RPN1: variants seen among roughly 807,000 people sequenced by gnomAD.
The protein encoded by RPN1 is dolichyl-diphosphooligosaccharide--protein glycosyltransferase subunit 1.
A neutral mutation model predicts 55.5 loss-of-function variants in RPN1; 12 were observed. The ratio of observed to expected loss-of-function variants is 0.22; its 90% CI spans 0.14 to 0.35. RPN1 has a LOEUF of 0.35. Ranked by LOEUF, RPN1 falls within the 10% of genes least tolerant of loss-of-function variation. RPN1 has a pLI of 1.00. For missense variants in RPN1, 679 were observed against 761.3 expected (o/e 0.89, Z 1.27); for synonymous variants, 317 against 305.9 (o/e 1.04, Z -0.38).
chr3:128,626,716 G>A lies in RPN1; in HGVS notation c.1136+17C>T. Reference sequence around the variant, plus strand: ...CCAGAGAAATCGGGTGCAAAGGAGAGGAACAGTCACACTCACTTGGCTCCT... The same window carrying A: ...CCAGAGAAATCGGGTGCAAAGGAGAAGAACAGTCACACTCACTTGGCTCCT... On this transcript the variant is annotated intron_variant, in intron 6 of 9. Coordinates refer to ENST00000296255, the MANE Select transcript of RPN1 (RefSeq NM_002950.4). 4 of 1,610,156 alleles carry A rather than the reference G, an allele frequency of 2.5e-6. No homozygotes were observed. The highest frequency in any genetic ancestry group is 3.4e-6 in the Non-Finnish European group (4 of 1,176,452).
At chr3:128,638,270 G>A (rs1295764120) in intron 2 of RPN1, among the ~76,000 whole-genome samples, 165 bp from the exon 3 acceptor site, 2 of 152,166 alleles carry the variant, frequency 1.3e-5, no homozygotes, top group Non-Finnish European at 2.9e-5. Flanking sequence ...CACTCAGGCT[G>A]GAGTGCAATG....
intron 1 of RPN1, among the ~76,000 whole-genome samples, chr3:128,645,481 A>AG (rs2069759992): frequency 6.6e-6 from 1 of 151,792 alleles, no homozygotes; most frequent in Non-Finnish European, 1.5e-5. Context: ...AAAAAAAAAA[A>AG]GTGGCATAAA....
At position 128,638,107 on chromosome 3, in the gene RPN1, T is replaced by A; in HGVS notation, c.327-2A>T. 1 of 1,609,378 alleles carries A rather than the reference T, an allele frequency of 6.2e-7. No individual in the cohort carries two copies. The highest frequency in any genetic ancestry group is 8.5e-7 in the Non-Finnish European group (1 of 1,176,022). Reference sequence around the variant, plus strand: ...AGCTTGACTGTGAAGAATCTCCCACTAAAGGAAGAACAAGGCAAGAGAAGT... The same window carrying A: ...AGCTTGACTGTGAAGAATCTCCCACAAAAGGAAGAACAAGGCAAGAGAAGT... On this transcript the variant is annotated splice_acceptor_variant, in intron 2 of 9. Coordinates refer to ENST00000296255, the MANE Select transcript of RPN1 (RefSeq NM_002950.4). LOFTEE classifies it high-confidence loss of function.
chr3:128,634,585 CAA>C (rs765858286), intron 3 of RPN1, among the ~76,000 whole-genome samples: 40 of 132,792 alleles, frequency 3.0e-4, no homozygotes, highest in Admixed American at 4.9e-4. Context: ...TTTTTTGAGA[CAA>C]ACTCTCACCC....
chr3:128,630,211 A>T lies in RPN1; in HGVS notation c.844-68T>A, dbSNP rs1281159319. ...GCTGAGAGGAAATGATCCTAAACAC[A>T]GAAGACTTCCTGCACCAAGATCCTC... On this transcript the variant is annotated intron_variant, in intron 4 of 9. Coordinates refer to ENST00000296255, the MANE Select transcript of RPN1 (RefSeq NM_002950.4). 3.8e-6 allele frequency: 4 copies of T among 1,058,614 alleles called. No individual in the cohort carries two copies. In the African/African-American group the frequency reaches 4.8e-5, roughly 13 times the overall value. The allele number at this position is 1,058,614 out of a possible 1,614,324, so 65.6% of individuals were successfully genotyped here.
At position 128,637,833 on chromosome 3, in the gene RPN1, T is replaced by C; in HGVS notation, c.599A>G (p.Tyr200Cys). 1 of 1,613,420 alleles carries C rather than the reference T, an allele frequency of 6.2e-7. No individual in the cohort carries two copies. The highest frequency in any genetic ancestry group is 1.1e-5 in the South Asian group (1 of 91,050). The change falls in exon 3 of 10, where the codon TAT (tyrosine) becomes TGT (cysteine). Residue 200 changes from tyrosine to cysteine, a missense_variant. Tyr to Cys is a radical substitution (Grantham distance 194, BLOSUM62 -2). Coordinates refer to ENST00000296255, the MANE Select transcript of RPN1 (RefSeq NM_002950.4). ...NPTRSEDLLD[Y>C]GPFRDVPAYS... ...GGCAGGCACATCTCTGAAAGGCCCA[T>C]AATCCAGTAGGTCCTCAGAGCGCGT...
intron 8 of RPN1, 134 bp downstream of exon 8, chr3:128,625,400 G>A (rs933660122): frequency 2.3e-5 from 31 of 1,374,980 alleles, no homozygotes; most frequent in Middle Eastern, 2.3e-4. Context: ...GTACCCTTCC[G>A]GCAAGGATGA....
chr3:128,650,336 G>A (rs1335749014), intron 1 of RPN1, among the ~76,000 whole-genome samples: 1 of 152,130 alleles, frequency 6.6e-6, no homozygotes, highest in Non-Finnish European at 1.5e-5. Flanking sequence ...GCGCGCACCG[G>A]GGGCAGCGGA....
chr3:128,629,233 T>C (rs961178719), intron 5 of RPN1, among the ~76,000 whole-genome samples: 32 of 152,128 alleles, frequency 2.1e-4, no homozygotes, highest in African/African-American at 7.5e-4. Context: ...TTTTGTATGG[T>C]TTTCTGTATC....
At chr3:128,634,625 C>A (rs1045000763) in intron 3 of RPN1, among the ~76,000 whole-genome samples, 3 of 150,082 alleles carry the variant, frequency 2.0e-5, no homozygotes, top group Admixed American at 6.7e-5. Flanking sequence ...TGCAATGACG[C>A]GATCTTGGCT....
At chr3:128,643,241 C>G (rs1485527375) in intron 2 of RPN1, among the ~76,000 whole-genome samples, 1 of 150,996 alleles carries the variant, frequency 6.6e-6, no homozygotes, top group Admixed American at 6.6e-5. Flanking sequence ...GCAGGAGAAT[C>G]GCTTGAACCT....
At chr3:128,642,105 AAC>A (rs1480554224) in intron 2 of RPN1, among the ~76,000 whole-genome samples, 1 of 152,178 alleles carries the variant, frequency 6.6e-6, no homozygotes, top group Non-Finnish European at 1.5e-5. Context: ...AGAGCCAATA[AAC>A]ACAGACAGGG....
At chr3:128,644,713 C>T (rs2069753731) in intron 2 of RPN1, 2 of 653,562 alleles carry the variant, frequency 3.1e-6, no homozygotes, top group Non-Finnish European at 5.6e-6. Flanking sequence ...AATCCCAGCA[C>T]TTTGAGAGGC....
At chr3:128,628,656 T>A (rs2069619271) in intron 5 of RPN1, among the ~76,000 whole-genome samples, 1 of 151,954 alleles carries the variant, frequency 6.6e-6, no homozygotes, top group Non-Finnish European at 1.5e-5. Context: ...GTGCAAGCAA[T>A]CCTCCCACCT....
intron 2 of RPN1, chr3:128,644,708 C>A (rs988835965): frequency 1.5e-6 from 1 of 653,242 alleles, no homozygotes; most frequent in Non-Finnish European, 2.8e-6. Context: ...CCTGTAATCC[C>A]AGCACTTTGA....
At chr3:128,643,424 A>C (rs897944946) in intron 2 of RPN1, among the ~76,000 whole-genome samples, 2 of 151,618 alleles carry the variant, frequency 1.3e-5, no homozygotes, top group African/African-American at 4.8e-5. Flanking sequence ...CGCACTTTGG[A>C]AGGCTGAGGC....
rs532350015 is a variant in RPN1, at chr3:128,644,717, G to A, written c.326+202C>T. Reference sequence around the variant, plus strand: ...TTCACACCTGTAATCCCAGCACTTTGAGAGGCCAAGGTAGAAGGATGGCTT... The same window carrying A: ...TTCACACCTGTAATCCCAGCACTTTAAGAGGCCAAGGTAGAAGGATGGCTT... On this transcript the variant is annotated intron_variant, in intron 2 of 9. Transcript: ENST00000296255. 7 of 653,254 alleles carry A rather than the reference G, an allele frequency of 1.1e-5. No individual in the cohort carries two copies. The South Asian group carries it at 1.2e-4, about 11-fold the overall frequency. 40.5% of individuals were successfully genotyped at this position (653,254 alleles called of 1,614,324 possible). A position where few individuals can be genotyped will look rare whatever the true frequency, so the allele number is the denominator to read the frequency against.
chr3:128,634,236 G>A (rs7627549), intron 3 of RPN1, among the ~76,000 whole-genome samples: 92,443 of 151,232 alleles, frequency 0.61, 28,394 homozygotes, highest in East Asian at 0.77. Flanking sequence ...GCTGAGGTGG[G>A]AGAATCACTT....
At chr3:128,629,072 A>G (rs2069623162) in intron 5 of RPN1, among the ~76,000 whole-genome samples, 1 of 152,200 alleles carries the variant, frequency 6.6e-6, no homozygotes, top group Non-Finnish European at 1.5e-5. Flanking sequence ...GATATTCAAG[A>G]AAGTGATTAC....
Sources: allele counts gnomAD v4.1 joint callset (sites outside exome capture counted in the v4.1 genomes callset), GRCh38; gene constraint gnomAD v4.1.1; transcripts MANE v1.5; gene names NCBI Gene and HGNC (gene_info 2026-07-23, HGNC 2026-07-21).